The following GALNT5 variants were observed in gnomAD, a reference collection of about 807,000 sequenced individuals.
GALNT5 encodes the protein polypeptide N-acetylgalactosaminyltransferase 5, also known as UDP-GalNAc:polypeptide N-acetylgalactosaminyltransferase 5.
Under a neutral mutation model 85.4 loss-of-function variants are expected in GALNT5, and 72 were observed. The ratio of observed to expected loss-of-function variants is 0.84; its 90% confidence interval spans 0.70 to 1.03. GALNT5 has a LOEUF of 1.03. GALNT5 is among the 50% of genes least tolerant of loss of function. The pLI, the probability that GALNT5 is intolerant of heterozygous loss-of-function variation, is 0.00. For synonymous variants in GALNT5, 404 were observed against 397.0 expected (o/e 1.02, Z -0.21); for missense variants, 1,137 against 1,135.5 (o/e 1.00, Z -0.02).
chr2:157,272,364 T>C (rs1682608231), intron 1 of GALNT5, among the ~76,000 whole-genome samples: 1 of 152,198 alleles, frequency 6.6e-6, no homozygotes, highest in Non-Finnish European at 1.5e-5. Flanking sequence ...CATTTACCTT[T>C]TACTCCTTTT....
rs987323747 is a variant in GALNT5 at position 157,318,478 on chromosome 2, C to T, written c.*7130C>T. The T allele has an allele frequency of 6.6e-6, 1 of 152,046 alleles. No individual in the cohort carries two copies. Among genetic ancestry groups the T allele is most frequent in the African/African-American group, 2.4e-5 (1 of 41,422 alleles). 9.4% of individuals were successfully genotyped at this position (152,046 alleles called of 1,614,324 possible). A position where few individuals can be genotyped will look rare whatever the true frequency, so the allele number is the denominator to read the frequency against. On this transcript the variant is annotated 3_prime_UTR_variant, in exon 10 of 10. Coordinates refer to ENST00000259056, the MANE Select transcript of GALNT5 (RefSeq NM_014568.3). ...TAAGACCTTTTTGAAATAAATAATG[C>T]AAATGAACTAAAATAAAGTGTTCTC...
chr2:157,310,997 A>G (rs1249906382), intron 9 of GALNT5, among the ~76,000 whole-genome samples: 1 of 152,220 alleles, frequency 6.6e-6, no homozygotes, highest in Non-Finnish European at 1.5e-5. Flanking sequence ...TAAAAGTCTT[A>G]TAGCTTGGTG....
At position 157,305,757 on chromosome 2, in the gene GALNT5, T is replaced by C. The variant is rs369256598; in HGVS notation, c.2448T>C (p.Asn816=). The change falls in exon 8 of 10, where the codon AAT becomes AAC. Residue 816 remains asparagine (N), a synonymous_variant. Coordinates refer to ENST00000259056, the MANE Select transcript of GALNT5 (RefSeq NM_014568.3). The part of the protein sequence containing the change: ...PIVRASGVLI[N]VALGKCISIE... Reference sequence around the variant, plus strand: ...CGTATTTTGCTTTTTAGCTTATTAATGTGGCTTTGGGTAAATGCATTTCCA... The same window carrying C: ...CGTATTTTGCTTTTTAGCTTATTAACGTGGCTTTGGGTAAATGCATTTCCA... 3.7e-5 allele frequency: 59 copies of C among 1,595,574 alleles called. No individual in the cohort carries two copies. The African/African-American group carries it at 6.8e-4, about 19-fold the overall frequency.
rs1333818678 is a variant in GALNT5 at position 157,259,075 on chromosome 2, A to G, written c.993A>G (p.Gln331=). ...HLVIITKEEE[Q]KADPKEVSNS... is the part of the protein sequence containing the mutation. ...TGATTATAACCAAAGAGGAAGAGCA[A>G]AAGGCAGACCCCAAAGAGGTCTCTA... is the stretch of plus-strand genomic sequence containing the variant. The change falls in exon 1 of 10, where the codon CAA becomes CAG. Residue 331 remains glutamine, a synonymous_variant. Transcript: ENST00000259056. 3 of 1,481,360 alleles carry G rather than the reference A, an allele frequency of 2.0e-6. No individual in the cohort carries two copies. Among genetic ancestry groups the G allele is most frequent in the Non-Finnish European group, 2.7e-6 (3 of 1,114,860 alleles). The allele number at this position is 1,481,360 out of a possible 1,614,324, so 91.8% of individuals were successfully genotyped here.
intron 3 of GALNT5, among the ~76,000 whole-genome samples, chr2:157,294,979 C>T (rs879464059): frequency 1.2e-4 from 18 of 149,092 alleles, no homozygotes; most frequent in Non-Finnish European, 1.9e-4. Flanking sequence ...TTTTTTTCCT[C>T]CTCTAAGTCT....
Position 157,259,505 on chromosome 2 carries a change from G to A in GALNT5, c.1423G>A (p.Asp475Asn), listed in dbSNP as rs746818073. ...CTACCTTAGCGATTTGATCCCAGTG[G>A]ATAGAGCCATTGAAGACACCAGACC... ...NVYLSDLIPV[D>N]RAIEDTRPAG... Residue 475 changes from aspartate (D) to asparagine (N), a missense_variant, in exon 1 of 10, where the codon GAT becomes AAT. Coordinates refer to ENST00000259056, the MANE Select transcript of GALNT5 (RefSeq NM_014568.3). The A allele has an allele frequency of 1.7e-5, 24 of 1,401,184 alleles. No individual in the cohort carries two copies. The highest frequency in any genetic ancestry group is 1.9e-5 in the Non-Finnish European group (20 of 1,069,628). 86.8% of individuals were successfully genotyped at this position (1,401,184 alleles called of 1,614,324 possible). A position where few individuals can be genotyped will look rare whatever the true frequency, so the allele number is the denominator to read the frequency against.
Position 157,311,390 on chromosome 2 carries a change from G to A in GALNT5, c.*42G>A, listed in dbSNP as rs749751312. 3 of 1,300,062 alleles carry A rather than the reference G, an allele frequency of 2.3e-6. No individual in the cohort carries two copies. Among genetic ancestry groups the A allele is most frequent in the Admixed American group, 4.9e-5 (2 of 40,808 alleles). 80.5% of individuals were successfully genotyped at this position (1,300,062 alleles called of 1,614,324 possible). The stretch of plus-strand genomic sequence containing the variant: ...TTATATAGTAAACCCATTAAATACT[G>A]TGAAAATAACACTGAACTTGGAAAC... On this transcript the variant is annotated 3_prime_UTR_variant, in exon 10 of 10. Coordinates refer to ENST00000259056, the MANE Select transcript of GALNT5 (RefSeq NM_014568.3).
intron 6 of GALNT5, 57 bp downstream of exon 6, chr2:157,299,722 T>A (rs1309996205): frequency 1.1e-6 from 1 of 938,888 alleles, no homozygotes; most frequent in African/African-American, 1.6e-5. Flanking sequence ...CAATTTTAAA[T>A]GGTTTGATTT....
rs1239577743 is a variant in GALNT5, at chr2:157,286,172, A to G, written c.1741+38A>G. 4 of 1,560,594 alleles carry G rather than the reference A, an allele frequency of 2.6e-6. No individual in the cohort carries two copies. The African/African-American group carries it at 4.1e-5, about 16-fold the overall frequency. On this transcript the variant is annotated intron_variant, in intron 3 of 9. Coordinates refer to ENST00000259056, the MANE Select transcript of GALNT5 (RefSeq NM_014568.3). ...TCATTTTTTTGTTTGTTACATTTTTATTTTAATTTAAAATGTTTCTCAAAC... is the reference window on the plus strand; with the variant it reads ...TCATTTTTTTGTTTGTTACATTTTTGTTTTAATTTAAAATGTTTCTCAAAC...
intron 1 of GALNT5, among the ~76,000 whole-genome samples, chr2:157,275,103 T>C (rs1356320656): frequency 2.0e-5 from 3 of 152,338 alleles, no homozygotes; most frequent in Admixed American, 1.3e-4. Context: ...CTCCATTTCT[T>C]GTTTTTGTCA....
rs777007785 is a variant in GALNT5 at position 157,286,006 on chromosome 2, C to G, written c.1622-9C>G. Reference sequence around the variant, plus strand: ...AAGTATTTCCTGGTTTATCTTTACTCTGATGTAGACTATCTAAAAGATAAT... The same window carrying G: ...AAGTATTTCCTGGTTTATCTTTACTGTGATGTAGACTATCTAAAAGATAAT... On this transcript the variant is annotated splice_polypyrimidine_tract_variant and intron_variant, in intron 2 of 9. Transcript: ENST00000259056. 30 of 1,590,520 alleles carry G rather than the reference C, an allele frequency of 1.9e-5. No homozygotes were observed. Among genetic ancestry groups the G allele is most frequent in the Non-Finnish European group, 2.6e-5 (30 of 1,159,578 alleles).
At chr2:157,294,876 GGA>G (rs139183450) in intron 3 of GALNT5, among the ~76,000 whole-genome samples, 54 of 149,286 alleles carry the variant, frequency 3.6e-4, no homozygotes, top group Non-Finnish European at 6.0e-4. Flanking sequence ...AGGTTTCAAT[GGA>G]GAGAGAGAGA....
At chr2:157,303,384 C>T (rs564498361) in intron 7 of GALNT5, among the ~76,000 whole-genome samples, 1 of 152,304 alleles carries the variant, frequency 6.6e-6, no homozygotes, top group Admixed American at 6.5e-5. Context: ...GATTAAACCG[C>T]TGGCAAATAG....
At chr2:157,276,460 T>C (rs4359763) in intron 1 of GALNT5, among the ~76,000 whole-genome samples, 21,080 of 152,080 alleles carry the variant, frequency 0.14, 4,237 homozygotes, top group African/African-American at 0.44. Flanking sequence ...GTCCTGGACT[T>C]TTTTTGACTG....
At chr2:157,295,532 C>T (rs1302255740) in intron 3 of GALNT5, 131 bp from the exon 4 acceptor site, 1 of 571,342 alleles carries the variant, frequency 1.8e-6, no homozygotes, top group African/African-American at 2.6e-5. Flanking sequence ...ACCACGAATT[C>T]AGAAAAAAAA....
Position 157,259,018 on chromosome 2 carries a change from G to C in GALNT5, c.936G>C (p.Gly312=). The C allele has an allele frequency of 6.8e-7, 1 of 1,474,416 alleles. No individual in the cohort carries two copies. The highest frequency in any genetic ancestry group is 9.0e-7 in the Non-Finnish European group (1 of 1,110,600). The allele number at this position is 1,474,416 out of a possible 1,614,324, so 91.3% of individuals were successfully genotyped here. Residue 312 remains glycine (G), a synonymous_variant, in exon 1 of 10, where the codon GGG becomes GGC. Coordinates refer to ENST00000259056, the MANE Select transcript of GALNT5 (RefSeq NM_014568.3). ...SKDDGARGAH[G]KKLNFSESHL... ...ATGATGGAGCTAGAGGGGCTCATGG[G>C]AAGAAACTCAATTTCTCTGAAAGCC...
chr2:157,300,205 T>C (rs1558902603), intron 6 of GALNT5, among the ~76,000 whole-genome samples: 1 of 152,326 alleles, frequency 6.6e-6, no homozygotes, highest in East Asian at 1.9e-4. Context: ...CAAAAAGTAA[T>C]TGCTTTCCTA....
chr2:157,264,262 T>A (rs976374599), intron 1 of GALNT5, among the ~76,000 whole-genome samples: 10 of 152,154 alleles, frequency 6.6e-5, no homozygotes, highest in African/African-American at 2.2e-4. Context: ...CTTGGAGAAG[T>A]CTGTCTTTTG....
intron 1 of GALNT5, among the ~76,000 whole-genome samples, chr2:157,261,941 C>A (rs561344570): frequency 6.6e-6 from 1 of 151,550 alleles, no homozygotes; most frequent in African/African-American, 2.4e-5. Context: ...TCGAAGTCAG[C>A]ATAAGGGGAA....
Sources: gnomAD v4.1 joint callset for allele counts (sites outside exome capture counted in the v4.1 genomes callset) on GRCh38, gnomAD v4.1.1 for gene constraint, MANE v1.5 for transcripts, NCBI Gene and HGNC (gene_info 2026-07-23, HGNC 2026-07-21) for gene names.